Variants in INPP4B observed in about 807,000 individuals in gnomAD.
INPP4B encodes inositol polyphosphate 4-phosphatase type II.
In INPP4B, 55 loss-of-function variants were observed where a neutral mutation model predicts 122.5. That is an observed-to-expected ratio of 0.45 (90% CI 0.36 to 0.56). The LOEUF (loss-of-function observed/expected upper bound fraction) is 0.56. INPP4B is among the 20% of genes least tolerant of loss of function. The probability of loss-of-function intolerance (pLI) is 0.00; values close to 1 mark genes in which losing one functional copy is unlikely to be tolerated. For synonymous variants in INPP4B, 403 were observed against 388.7 expected (o/e 1.04, Z -0.43); for missense variants, 1,000 against 1,097.7 (o/e 0.91, Z 1.26).
At chr4:142,624,910 G>A (rs1375759021) in intron 2 of INPP4B, among the ~76,000 whole-genome samples, 5 of 151,724 alleles carry the variant, frequency 3.3e-5, no homozygotes, top group East Asian at 3.9e-4. Context: ...ATGCAGAAAA[G>A]GCCTTTGACA....
At chr4:142,416,432 T>A (rs764333655) in intron 5 of INPP4B, among the ~76,000 whole-genome samples, 1 of 152,164 alleles carries the variant, frequency 6.6e-6, no homozygotes, top group Non-Finnish European at 1.5e-5. Context: ...GGCTTGAATT[T>A]TAGGAAATGA....
At chr4:142,383,653 T>G (rs751110931) in intron 7 of INPP4B, among the ~76,000 whole-genome samples, 3 of 151,736 alleles carry the variant, frequency 2.0e-5, no homozygotes. Context: ...ATTCAAACAC[T>G]GATAAGAGAA....
chr4:142,828,541 T>C (rs562122343), intron 1 of INPP4B, among the ~76,000 whole-genome samples: 20 of 151,444 alleles, frequency 1.3e-4, no homozygotes, highest in South Asian at 6.2e-4. Context: ...GTCCATGATA[T>C]CTTACAGAAA....
chr4:142,529,358 TCTTTTA>T (rs1056911344), intron 2 of INPP4B, among the ~76,000 whole-genome samples: 2 of 152,032 alleles, frequency 1.3e-5, no homozygotes, highest in African/African-American at 4.8e-5. Flanking sequence ...TGAAGCTAGA[TCTTTTA>T]CTTATACTTT....
chr4:142,601,296 T>C (rs982003318), intron 2 of INPP4B, among the ~76,000 whole-genome samples: 2 of 152,092 alleles, frequency 1.3e-5, no homozygotes, highest in Non-Finnish European at 2.9e-5. Context: ...ATAGACTATA[T>C]GTTAGGCCAC....
intron 1 of INPP4B, among the ~76,000 whole-genome samples, chr4:142,744,928 T>A (rs1448977126): frequency 5.9e-5 from 9 of 151,642 alleles, no homozygotes; most frequent in African/African-American, 2.2e-4. Flanking sequence ...AAGGTAGAGT[T>A]TTTAGTATAT....
At chr4:142,581,646 T>C (rs181826200) in intron 2 of INPP4B, among the ~76,000 whole-genome samples, 77 of 149,006 alleles carry the variant, frequency 5.2e-4, no homozygotes, top group African/African-American at 1.9e-3. Flanking sequence ...AGAAGTTCCA[T>C]TTCTATTAGA....
chr4:142,425,965 T>C (rs1320141988), intron 5 of INPP4B, among the ~76,000 whole-genome samples: 4 of 152,174 alleles, frequency 2.6e-5, no homozygotes, highest in African/African-American at 7.2e-5. Context: ...TTGGCTTGCA[T>C]TGAGTATTAG....
At chr4:142,398,679 T>G (rs1800560786) in intron 7 of INPP4B, among the ~76,000 whole-genome samples, 1 of 151,776 alleles carries the variant, frequency 6.6e-6, no homozygotes, top group African/African-American at 2.4e-5. Context: ...AAAAATGAAC[T>G]GGATACTACT....
In INPP4B at chr4:142,023,659, C is replaced by T. The variant is rs1260673176; in HGVS notation, c.*5123G>A. ...TAGGTCATCATTGATCGCGTCCTTTCATGACCTGGCGGTAATTTAGATGAT... is the reference window on the plus strand; with the variant it reads ...TAGGTCATCATTGATCGCGTCCTTTTATGACCTGGCGGTAATTTAGATGAT... On this transcript the variant is annotated 3_prime_UTR_variant, in exon 26 of 26. Transcript: ENST00000262992. 1 of 152,148 alleles carries T rather than the reference C, an allele frequency of 6.6e-6. No individual in the cohort carries two copies. Among genetic ancestry groups the T allele is most frequent in the Non-Finnish European group, 1.5e-5 (1 of 68,014 alleles). 9.4% of individuals were successfully genotyped at this position (152,148 alleles called of 1,614,324 possible).
At chr4:142,413,503 A>T (rs1805040464) in intron 5 of INPP4B, among the ~76,000 whole-genome samples, 1 of 152,224 alleles carries the variant, frequency 6.6e-6, no homozygotes, top group Non-Finnish European at 1.5e-5. Context: ...TCTTGCAATC[A>T]TAAAATGCTA....
chr4:142,789,978 G>T (rs1365614234), intron 1 of INPP4B, among the ~76,000 whole-genome samples: 1 of 152,008 alleles, frequency 6.6e-6, no homozygotes, highest in African/African-American at 2.4e-5. Flanking sequence ...CATAAAGTGG[G>T]GAAAGAGCAC....
At chr4:142,631,373 G>T (rs1001767055) in intron 2 of INPP4B, among the ~76,000 whole-genome samples, 2 of 152,046 alleles carry the variant, frequency 1.3e-5, no homozygotes, top group Non-Finnish European at 2.9e-5. Context: ...AAAATGATTT[G>T]CAAGAAAATA....
chr4:142,182,525 T>C (rs1435020138), intron 15 of INPP4B, among the ~76,000 whole-genome samples: 4 of 119,228 alleles, frequency 3.4e-5, no homozygotes, highest in African/African-American at 1.4e-4. Context: ...TCCAGCCTGG[T>C]GACAGAGCGA....
intron 7 of INPP4B, 66 bp downstream of exon 7, chr4:142,402,871 CA>C: frequency 1.2e-6 from 1 of 826,560 alleles, no homozygotes; most frequent in Non-Finnish European, 2.1e-6. Context: ...GTCAGTTACA[CA>C]AAAAATCCAA....
intron 1 of INPP4B, among the ~76,000 whole-genome samples, chr4:142,726,216 C>A (rs1765330220): frequency 1.3e-5 from 2 of 152,196 alleles, no homozygotes; most frequent in Non-Finnish European, 2.9e-5. Context: ...TAGCTTCCAT[C>A]ATTTCAAAAG....
At chr4:142,635,878 A>G (rs1305072958) in intron 2 of INPP4B, among the ~76,000 whole-genome samples, 1 of 152,190 alleles carries the variant, frequency 6.6e-6, no homozygotes, top group Admixed American at 6.6e-5. Context: ...AAAAAAATTA[A>G]TAAGTTTTGA....
chr4:142,721,555 G>A (rs552657945), intron 2 of INPP4B, among the ~76,000 whole-genome samples: 1 of 152,320 alleles, frequency 6.6e-6, no homozygotes, highest in East Asian at 1.9e-4. Flanking sequence ...GGGCGCTGTG[G>A]CTCACGCCTG....
intron 12 of INPP4B, among the ~76,000 whole-genome samples, chr4:142,219,275 T>C (rs1367876516): frequency 2.0e-5 from 3 of 152,194 alleles, no homozygotes; most frequent in Non-Finnish European, 4.4e-5. Context: ...AATCTGTTTG[T>C]ATCTGATAAA....
Sources: gnomAD v4.1 joint callset for allele counts (sites outside exome capture counted in the v4.1 genomes callset) on GRCh38, gnomAD v4.1.1 for gene constraint, MANE v1.5 for transcripts, NCBI Gene and HGNC (gene_info 2026-07-23, HGNC 2026-07-21) for gene names.